The following UBE2Q2 variants were observed in gnomAD, a reference collection of about 807,000 sequenced individuals.
UBE2Q2 encodes the protein ubiquitin-conjugating enzyme E2 Q2.
Under a neutral mutation model 59.9 loss-of-function variants are expected in UBE2Q2, and 54 were observed. That is an observed-to-expected ratio of 0.90 (90% confidence interval 0.72 to 1.13). The LOEUF is 1.13. UBE2Q2 is among the 50% of genes most tolerant of loss of function. The probability of loss-of-function intolerance (pLI) is 0.00; values close to 1 mark genes in which losing one functional copy is unlikely to be tolerated. For missense variants in UBE2Q2, 433 were observed against 441.9 expected, an observed-to-expected ratio of 0.98 and a Z score of 0.18; for synonymous variants, 165 against 155.2, an observed-to-expected ratio of 1.06 and a Z score of -0.47.
Position 75,873,456 on chromosome 15 carries a change from TGAAG to T in UBE2Q2, c.481_484del (p.Glu161LysfsTer22), listed in dbSNP as rs866123724. On this transcript the variant is annotated frameshift_variant, in exon 5 of 13. Transcript: ENST00000267938. LOFTEE classifies it high-confidence loss of function. ...ATAGAAGACTTAGATCACTATGAGA[TGAAG>T]GAAGAAGAGCCTATTAGTGGGAAAA... 4 of 1,612,724 alleles carry T rather than the reference TGAAG, an allele frequency of 2.5e-6. No homozygotes were observed. Among genetic ancestry groups the T allele is most frequent in the African/African-American group, 1.3e-5 (1 of 74,820 alleles).
chr15:75,880,516 C>T (rs543974856), intron 8 of UBE2Q2, among the ~76,000 whole-genome samples: 43 of 149,752 alleles, frequency 2.9e-4, no homozygotes, highest in African/African-American at 1.0e-3. Flanking sequence ...GAATCTTGCT[C>T]TGTTGCCCAG....
chr15:75,871,800 GA>G (rs1897810557), intron 4 of UBE2Q2, among the ~76,000 whole-genome samples: 1 of 152,232 alleles, frequency 6.6e-6, no homozygotes, highest in Non-Finnish European at 1.5e-5. Context: ...GTAACAGGCT[GA>G]TCTGTCTTGC....
intron 11 of UBE2Q2, among the ~76,000 whole-genome samples, 195 bp downstream of exon 11, chr15:75,891,209 A>G (rs996692445): frequency 6.6e-5 from 10 of 152,190 alleles, no homozygotes; most frequent in African/African-American, 2.4e-4. Context: ...ATAATCACTT[A>G]ATGATTTCGT....
At chr15:75,898,515 C>A (rs923674830) in intron 12 of UBE2Q2, among the ~76,000 whole-genome samples, 1 of 152,148 alleles carries the variant, frequency 6.6e-6, no homozygotes, top group African/African-American at 2.4e-5. Context: ...TGGTGAGACA[C>A]TTTACATCCA....
chr15:75,898,916 T>C (rs185306682), intron 12 of UBE2Q2, among the ~76,000 whole-genome samples: 2 of 152,278 alleles, frequency 1.3e-5, no homozygotes, highest in Middle Eastern at 3.4e-3. Context: ...AAAATAACTT[T>C]CTGTTGTGAA....
intron 3 of UBE2Q2, 140 bp from the exon 4 acceptor site, chr15:75,868,811 A>G (rs1567027107): frequency 3.3e-6 from 2 of 598,044 alleles, no homozygotes; most frequent in Admixed American, 2.7e-5. Flanking sequence ...TTTAAAGATA[A>G]ACATTTTAAT....
chr15:75,895,954 C>T (rs775250477), intron 11 of UBE2Q2, among the ~76,000 whole-genome samples: 1 of 152,086 alleles, frequency 6.6e-6, no homozygotes, highest in Non-Finnish European at 1.5e-5. Context: ...TATTGAGAAA[C>T]CCTGATGTCC....
intron 9 of UBE2Q2, among the ~76,000 whole-genome samples, chr15:75,889,197 C>T (rs17427298): frequency 0.23 from 34,937 of 152,040 alleles, 4,849 homozygotes; most frequent in Non-Finnish European, 0.31. Flanking sequence ...AATTTAATCC[C>T]ATGAACCTTC....
At chr15:75,844,624 C>A in intron 1 of UBE2Q2, 1 of 946,670 alleles carries the variant, frequency 1.1e-6, no homozygotes, top group Non-Finnish European at 1.5e-6. Flanking sequence ...CTTTTAAAAA[C>A]TCACTCATTA....
At chr15:75,883,882 A>G (rs1898603242) in intron 9 of UBE2Q2, among the ~76,000 whole-genome samples, 1 of 152,140 alleles carries the variant, frequency 6.6e-6, no homozygotes. Flanking sequence ...ATACGCACAT[A>G]CTTTTTACCA....
intron 6 of UBE2Q2, 25 bp from the exon 7 acceptor site, chr15:75,877,936 G>A (rs984664580): frequency 6.2e-7 from 1 of 1,600,114 alleles, no homozygotes; most frequent in Non-Finnish European, 8.6e-7. Context: ...ATGAAGAGTA[G>A]CTAACATGCT....
intron 3 of UBE2Q2, among the ~76,000 whole-genome samples, chr15:75,866,207 C>G (rs1391557966): frequency 2.0e-5 from 3 of 151,588 alleles, no homozygotes; most frequent in African/African-American, 7.3e-5. Flanking sequence ...GGGTCTTGCT[C>G]TCTTGCCCAG....
intron 11 of UBE2Q2, among the ~76,000 whole-genome samples, chr15:75,896,794 A>G (rs1899449411): frequency 6.6e-6 from 1 of 152,214 alleles, no homozygotes; most frequent in Non-Finnish European, 1.5e-5. Context: ...TTATTGGGGT[A>G]CAATTTTGGT....
intron 2 of UBE2Q2, among the ~76,000 whole-genome samples, chr15:75,859,504 C>T (rs972408620): frequency 3.9e-5 from 6 of 152,042 alleles, no homozygotes; most frequent in African/African-American, 1.5e-4. Flanking sequence ...GTTATTTTTT[C>T]TGTTATTTTT....
rs1284727776 is a variant in UBE2Q2, at chr15:75,900,490, C to T, written c.*1032C>T. The T allele has an allele frequency of 6.6e-6, 1 of 152,602 alleles. No homozygotes were observed. The highest frequency in any genetic ancestry group is 6.5e-5 in the Admixed American group (1 of 15,276). 9.5% of individuals were successfully genotyped at this position (152,602 alleles called of 1,614,324 possible). A position where few individuals can be genotyped will look rare whatever the true frequency, so the allele number is the denominator to read the frequency against. On this transcript the variant is annotated 3_prime_UTR_variant, in exon 13 of 13. Coordinates refer to ENST00000267938, the MANE Select transcript of UBE2Q2 (RefSeq NM_173469.4). Reference sequence around the variant, plus strand: ...CTCCATTTTATTGCCTTACCTGAATCAGTCCTTTTTGGTTGGTAATAGATT... The same window carrying T: ...CTCCATTTTATTGCCTTACCTGAATTAGTCCTTTTTGGTTGGTAATAGATT...
chr15:75,881,093 T>C (rs570036352), intron 8 of UBE2Q2, among the ~76,000 whole-genome samples: 1 of 152,138 alleles, frequency 6.6e-6, no homozygotes, highest in African/African-American at 2.4e-5. Context: ...ATGGCTACAT[T>C]TTTACTAATT....
At position 75,843,536 on chromosome 15, in the gene UBE2Q2, G is replaced by A. The variant is rs1423716969; in HGVS notation, c.-131G>A. 5 of 528,686 alleles carry A rather than the reference G, an allele frequency of 9.5e-6. No individual in the cohort carries two copies. The highest frequency in any genetic ancestry group is 5.0e-5 in the Admixed American group (1 of 19,930). The allele number at this position is 528,686 out of a possible 1,614,324, so 32.7% of individuals were successfully genotyped here. A position where few individuals can be genotyped will look rare whatever the true frequency, so the allele number is the denominator to read the frequency against. ...GCCATTTTCCAGCAGCGCTCGACGA[G>A]GCGGAGCCGCGAGAGCGCGGCCCAG... On this transcript the variant is annotated 5_prime_UTR_variant, in exon 1 of 13. Coordinates refer to ENST00000267938, the MANE Select transcript of UBE2Q2 (RefSeq NM_173469.4).
At chr15:75,848,661 AT>A (rs532016787) in intron 1 of UBE2Q2, among the ~76,000 whole-genome samples, 8,660 of 146,636 alleles carry the variant, frequency 0.059, 369 homozygotes, top group African/African-American at 0.12. Context: ...TAGTATCTTG[AT>A]TTTTTTTTTT....
At chr15:75,876,806 C>T (rs893626063) in intron 6 of UBE2Q2, among the ~76,000 whole-genome samples, 2 of 152,080 alleles carry the variant, frequency 1.3e-5, no homozygotes, top group East Asian at 3.8e-4. Context: ...AGGTAAAATT[C>T]TCATATTGTT....
Sources: allele counts gnomAD v4.1 joint callset (sites outside exome capture counted in the v4.1 genomes callset), GRCh38; gene constraint gnomAD v4.1.1; transcripts MANE v1.5; gene names NCBI Gene and HGNC (gene_info 2026-07-23, HGNC 2026-07-21).